Variants in NKAIN2 observed in about 807,000 individuals in gnomAD.
NKAIN2 encodes the protein sodium/potassium transporting ATPase interacting 2, also known as sodium/potassium-transporting ATPase subunit beta-1-interacting protein 2.
NKAIN2 carries 14 observed loss-of-function variants against 32.6 expected under a neutral mutation model. The ratio of observed to expected loss-of-function variants is 0.43; its 90% confidence interval spans 0.28 to 0.67. The LOEUF (loss-of-function observed/expected upper bound fraction) is 0.67, where lower values mean the gene tolerates loss of function less well. Among genes scored for constraint, NKAIN2 ranks in the 30% least tolerant of loss-of-function variants. The probability of loss-of-function intolerance (pLI) is 0.17; values close to 1 mark genes in which losing one functional copy is unlikely to be tolerated. For synonymous variants in NKAIN2, 80 were observed against 87.2 expected (o/e 0.92, Z 0.46); for missense variants, 198 against 258.3 (o/e 0.77, Z 1.60).
rs1453328971 is a variant in NKAIN2 at position 123,938,429 on chromosome 6, TATATATATATATATATATATATAC to T, written c.54+134177_54+134200del. ...ATATATATATATATATATATATATA[TATATATATATATATATATATATAC>T]ACACACACACACACGCATATTATAC... On this transcript the variant is annotated intron_variant, in intron 1 of 6. Coordinates refer to ENST00000368417, the MANE Select transcript of NKAIN2 (RefSeq NM_001040214.3). 3.5e-3 allele frequency among the ~76,000 whole-genome samples: 154 copies of T among 43,926 alleles called. 7 individuals carry two copies. Among genetic ancestry groups the T allele is most frequent in the African/African-American group, 0.016 (112 of 7,094 alleles). The allele number at this position is 43,926 out of a possible 152,430, so 28.8% of individuals were successfully genotyped here.
At chr6:124,042,191 G>T (rs990106993) in intron 1 of NKAIN2, among the ~76,000 whole-genome samples, 2 of 152,060 alleles carry the variant, frequency 1.3e-5, no homozygotes, top group African/African-American at 4.8e-5. Flanking sequence ...AACTCCACCT[G>T]CCCCTCAAAC....
chr6:123,810,831 G>T (rs1339591483), intron 1 of NKAIN2, among the ~76,000 whole-genome samples: 6 of 152,086 alleles, frequency 3.9e-5, no homozygotes, highest in African/African-American at 1.4e-4. Context: ...TACTTGGGAA[G>T]AAATAGAGTA....
intron 3 of NKAIN2, among the ~76,000 whole-genome samples, chr6:124,628,819 A>T (rs1783453759): frequency 6.6e-6 from 1 of 152,096 alleles, no homozygotes; most frequent in Non-Finnish European, 1.5e-5. Flanking sequence ...GTTGAGTTGT[A>T]TATCTTTTTA....
intron 1 of NKAIN2, among the ~76,000 whole-genome samples, chr6:124,008,920 G>T (rs1780196847): frequency 6.6e-6 from 1 of 152,160 alleles, no homozygotes; most frequent in South Asian, 2.1e-4. Flanking sequence ...AGAATTGTGT[G>T]TTGCCAGTAG....
intron 3 of NKAIN2, among the ~76,000 whole-genome samples, chr6:124,370,741 T>A (rs1210463366): frequency 6.6e-6 from 1 of 152,122 alleles, no homozygotes; most frequent in Non-Finnish European, 1.5e-5. Flanking sequence ...ATGAGTTTGG[T>A]GCCCTCAATT....
chr6:124,019,986 G>A (rs1780794569), intron 1 of NKAIN2, among the ~76,000 whole-genome samples: 1 of 152,116 alleles, frequency 6.6e-6, no homozygotes, highest in African/African-American at 2.4e-5. Context: ...TAGTCTCAAT[G>A]TTGTAGAAGA....
chr6:124,285,548 C>T (rs1795499481), intron 2 of NKAIN2, among the ~76,000 whole-genome samples: 1 of 152,108 alleles, frequency 6.6e-6, no homozygotes, highest in Non-Finnish European at 1.5e-5. Flanking sequence ...TGCTGCCCTC[C>T]TGGTGTCATT....
intron 3 of NKAIN2, among the ~76,000 whole-genome samples, chr6:124,411,199 T>C (rs1774159729): frequency 6.6e-6 from 1 of 152,166 alleles, no homozygotes; most frequent in South Asian, 2.1e-4. Context: ...TTAGTATTGG[T>C]ATGTGTGAAT....
chr6:124,745,725 G>C (rs1392582167), intron 4 of NKAIN2, among the ~76,000 whole-genome samples: 2 of 151,824 alleles, frequency 1.3e-5, no homozygotes, highest in African/African-American at 2.4e-5. Context: ...TTTCTCAATT[G>C]TGTTTCTGTG....
At chr6:124,468,491 A>G (rs1310682005) in intron 3 of NKAIN2, among the ~76,000 whole-genome samples, 1 of 152,184 alleles carries the variant, frequency 6.6e-6, no homozygotes, top group Non-Finnish European at 1.5e-5. Flanking sequence ...GATGAAATAT[A>G]ATGGGAAAAA....
intron 1 of NKAIN2, among the ~76,000 whole-genome samples, chr6:123,817,905 T>C (rs1773761516): frequency 6.6e-6 from 1 of 152,168 alleles, no homozygotes; most frequent in South Asian, 2.1e-4. Context: ...TCTAGATTTA[T>C]TTGAAAGCTA....
At chr6:124,030,642 A>G (rs1413693319) in intron 1 of NKAIN2, among the ~76,000 whole-genome samples, 1 of 152,234 alleles carries the variant, frequency 6.6e-6, no homozygotes, top group East Asian at 1.9e-4. Context: ...ATGGGATGCC[A>G]GTTAAGAAGT....
chr6:124,361,543 C>T (rs746843365), intron 3 of NKAIN2, among the ~76,000 whole-genome samples: 20 of 151,996 alleles, frequency 1.3e-4, no homozygotes, highest in Non-Finnish European at 2.2e-4. Context: ...TCAGATTTCA[C>T]TATAGTAACA....
chr6:123,903,546 G>A (rs1159129562), intron 1 of NKAIN2, among the ~76,000 whole-genome samples: 1 of 152,134 alleles, frequency 6.6e-6, no homozygotes, highest in African/African-American at 2.4e-5. Context: ...AGAGAAAGTT[G>A]ACTCTGGCAA....
intron 4 of NKAIN2, among the ~76,000 whole-genome samples, chr6:124,707,324 AG>A (rs1271750717): frequency 6.6e-6 from 1 of 152,058 alleles, no homozygotes; most frequent in African/African-American, 2.4e-5. Context: ...TCTTTATAGC[AG>A]AATGATTTAT....
At chr6:124,199,533 T>A (rs937043279) in intron 1 of NKAIN2, among the ~76,000 whole-genome samples, 24 of 152,284 alleles carry the variant, frequency 1.6e-4, no homozygotes, top group African/African-American at 5.8e-4. Context: ...AGCATGAAGA[T>A]ATAGTCAGTC....
chr6:124,324,264 AGATCATCTTT>A (rs1167079343), intron 2 of NKAIN2, among the ~76,000 whole-genome samples: 1 of 152,198 alleles, frequency 6.6e-6, no homozygotes, highest in Non-Finnish European at 1.5e-5. Flanking sequence ...TCATTCATTT[AGATCATCTTT>A]GATTTCTTTC....
At chr6:124,434,346 A>G (rs1775346387) in intron 3 of NKAIN2, among the ~76,000 whole-genome samples, 1 of 152,070 alleles carries the variant, frequency 6.6e-6, no homozygotes. Flanking sequence ...CACACTTAAC[A>G]TTTGCTTTTT....
At chr6:124,083,462 A>T (rs1277420407) in intron 1 of NKAIN2, among the ~76,000 whole-genome samples, 2 of 151,864 alleles carry the variant, frequency 1.3e-5, no homozygotes, top group Non-Finnish European at 2.9e-5. Flanking sequence ...GCAGGATAAT[A>T]ATGGCTGTTT....
Sources: gnomAD v4.1 joint callset for allele counts (sites outside exome capture counted in the v4.1 genomes callset) on GRCh38, gnomAD v4.1.1 for gene constraint, MANE v1.5 for transcripts, NCBI Gene and HGNC (gene_info 2026-07-23, HGNC 2026-07-21) for gene names.